C6orf62: variants seen among roughly 807,000 people sequenced by gnomAD.
C6orf62 encodes the protein uncharacterized protein C6orf62.
In C6orf62, 16 loss-of-function variants were observed where a neutral mutation model predicts 26.8. That is an observed-to-expected ratio of 0.60 (90% confidence interval 0.40 to 0.91). The LOEUF (loss-of-function observed/expected upper bound fraction) is 0.91, where lower values mean the gene tolerates loss of function less well. Ranked by LOEUF, C6orf62 falls within the 40% of genes least tolerant of loss-of-function variation. The probability of loss-of-function intolerance (pLI) is 0.00; values close to 1 mark genes in which losing one functional copy is unlikely to be tolerated. For missense variants in C6orf62, 192 were observed against 271.4 expected (o/e 0.71, Z 2.06); for synonymous variants, 112 against 91.5 (o/e 1.22, Z -1.28).
intron 4 of C6orf62, among the ~76,000 whole-genome samples, chr6:24,708,353 T>C (rs569343758): frequency 5.8e-4 from 88 of 152,110 alleles, no homozygotes; most frequent in Admixed American, 1.2e-3. Context: ...TTTTAAAAAT[T>C]CATTTTATTT....
intron 2 of C6orf62, among the ~76,000 whole-genome samples, chr6:24,715,587 C>T (rs1378057338): frequency 6.6e-6 from 1 of 152,120 alleles, no homozygotes; most frequent in Non-Finnish European, 1.5e-5. Flanking sequence ...TGGCTCACAC[C>T]TGTAATCTCA....
At chr6:24,708,216 A>G (rs1381079881) in intron 4 of C6orf62, among the ~76,000 whole-genome samples, 2 of 150,050 alleles carry the variant, frequency 1.3e-5, no homozygotes, top group Non-Finnish European at 2.9e-5. Context: ...TAGAATCATG[A>G]CTTTTAAAAG....
upstream of C6orf62, chr6:24,720,328 C>T: frequency 7.8e-7 from 1 of 1,276,694 alleles, no homozygotes; most frequent in Non-Finnish European, 9.9e-7. Flanking sequence ...GGGCAGGAGC[C>T]ATGTCAAGAG....
chr6:24,711,315 C>T (rs1043199132), intron 3 of C6orf62, among the ~76,000 whole-genome samples: 16 of 151,786 alleles, frequency 1.1e-4, no homozygotes, highest in African/African-American at 3.4e-4. Context: ...ACAGAAGTAA[C>T]GAAATATTCT....
upstream of C6orf62, chr6:24,719,432 C>G (rs936787518): frequency 4.6e-6 from 5 of 1,075,706 alleles, no homozygotes; most frequent in South Asian, 5.3e-5. Context: ...CAGTGTATAC[C>G]GGGGGCGGGC....
intron 3 of C6orf62, chr6:24,709,158 CTG>C (rs1779071942): frequency 2.1e-6 from 2 of 968,630 alleles, no homozygotes; most frequent in South Asian, 9.6e-5. Flanking sequence ...CACATGACTA[CTG>C]GCCACCATTA....
Position 24,714,700 on chromosome 6 carries a change from C to T in C6orf62, c.307-260G>A, listed in dbSNP as rs957077488. Among the ~76,000 whole-genome samples the T allele has an allele frequency of 5.3e-5, 8 of 152,148 alleles. No individual in the cohort carries two copies. In the East Asian group the frequency reaches 1.5e-3, roughly 29 times the overall value. On this transcript the variant is annotated intron_variant, in intron 2 of 4. Coordinates refer to ENST00000378119, the MANE Select transcript of C6orf62 (RefSeq NM_030939.5). ...GTGCAATCTCCGCTTACTGCAAATT[C>T]CGCCTACCAGGTTCAAGCGATTCTC... is the stretch of plus-strand genomic sequence containing the variant.
At chr6:24,720,131 G>A (rs571721422), upstream of C6orf62, 88 of 1,392,698 alleles carry the variant, frequency 6.3e-5, no homozygotes, top group African/African-American at 5.5e-4. Context: ...TTTCCCGAGG[G>A]GCAGGGGGTG....
chr6:24,719,103 T>C lies in C6orf62; in HGVS notation c.-435A>G, dbSNP rs569588191. The C allele has an allele frequency of 9.1e-6, 9 of 989,838 alleles. No individual in the cohort carries two copies. In the African/African-American group the frequency reaches 1.2e-4, roughly 14 times the overall value. The allele number at this position is 989,838 out of a possible 1,614,324, so 61.3% of individuals were successfully genotyped here. On this transcript the variant is annotated 5_prime_UTR_variant, in exon 1 of 5. Transcript: ENST00000378119. ...AAAATCCATCCGGATTTTCCCCCCT[T>C]TTTAGAAAAGGGATTAAGGAACAGG...
chr6:24,708,535 G>A lies in C6orf62; in HGVS notation c.564+242C>T, dbSNP rs577553405. Among the ~76,000 whole-genome samples the A allele has an allele frequency of 1.8e-4, 28 of 152,076 alleles. 2 individuals are homozygous for A. The South Asian group carries it at 2.3e-3, about 12-fold the overall frequency. On this transcript the variant is annotated intron_variant, in intron 4 of 4. Coordinates refer to ENST00000378119, the MANE Select transcript of C6orf62 (RefSeq NM_030939.5). ...ATATTTTCTGTAGAGATGGGGTTTC[G>A]TCATGTTGCCCAGGCTGGTCTGGAA...
chr6:24,709,869 A>T, intron 3 of C6orf62: 1 of 977,936 alleles, frequency 1.0e-6, no homozygotes, highest in African/African-American at 1.8e-5. Flanking sequence ...GAGTTGTACA[A>T]ATAATTGTTA....
upstream of C6orf62, chr6:24,720,640 G>A (rs1239472085): frequency 1.3e-5 from 2 of 153,412 alleles, no homozygotes; most frequent in Admixed American, 1.3e-4. Context: ...TTCAGTTCAA[G>A]CATCTGCTCT....
intron 4 of C6orf62, 44 bp downstream of exon 4, chr6:24,708,733 G>A: frequency 1.9e-6 from 3 of 1,612,394 alleles, no homozygotes; most frequent in Non-Finnish European, 2.5e-6. Context: ...TAACCAATAA[G>A]TTTTTGAATG....
upstream of C6orf62, chr6:24,719,959 G>A (rs1031865871): frequency 5.1e-5 from 79 of 1,548,010 alleles, 1 homozygote; most frequent in Middle Eastern, 5.0e-4. Context: ...TAAATGGGAA[G>A]GTTCAGTGGG....
chr6:24,709,356 C>A (rs1330005201), intron 3 of C6orf62: 1 of 985,246 alleles, frequency 1.0e-6, no homozygotes, highest in Non-Finnish European at 1.2e-6. Context: ...GTACTTTAAG[C>A]CCCAAGGACA....
chr6:24,711,468 T>A (rs2127633781), intron 3 of C6orf62, among the ~76,000 whole-genome samples: 1 of 152,224 alleles, frequency 6.6e-6, no homozygotes, highest in Non-Finnish European at 1.5e-5. Context: ...TGGTTCCGAT[T>A]ATATCCTCAC....
At chr6:24,713,073 G>T (rs183809122) in intron 3 of C6orf62, among the ~76,000 whole-genome samples, 4 of 152,236 alleles carry the variant, frequency 2.6e-5, no homozygotes, top group African/African-American at 9.6e-5. Flanking sequence ...CACGACTTGT[G>T]ATGTTACATC....
Position 24,718,686 on chromosome 6 carries a change from A to G in C6orf62, c.-18T>C, listed in dbSNP as rs368076065. On this transcript the variant is annotated 5_prime_UTR_variant, in exon 1 of 5. Transcript: ENST00000378119. ...TCCCCCATTTTGAAATACAGGTGGT[A>G]CTAAAGCCTTTGGAAATTGTCACTA... The G allele has an allele frequency of 3.4e-5, 55 of 1,611,896 alleles. No homozygotes were observed. Among genetic ancestry groups the G allele is most frequent in the Non-Finnish European group, 4.6e-5 (54 of 1,179,600 alleles).
At chr6:24,717,924 C>T (rs2127636590) in intron 1 of C6orf62, among the ~76,000 whole-genome samples, 1 of 152,252 alleles carries the variant, frequency 6.6e-6, no homozygotes, top group Non-Finnish European at 1.5e-5. Flanking sequence ...TGATTAAGAC[C>T]TCCACCGCCC....
Sources: gnomAD v4.1 joint callset for allele counts (sites outside exome capture counted in the v4.1 genomes callset) on GRCh38, gnomAD v4.1.1 for gene constraint, MANE v1.5 for transcripts, NCBI Gene and HGNC (gene_info 2026-07-23, HGNC 2026-07-21) for gene names.